PRUNE1: variants seen among roughly 807,000 people sequenced by gnomAD.
PRUNE1 encodes the protein exopolyphosphatase PRUNE1.
A neutral mutation model predicts 42.5 loss-of-function variants in PRUNE1; 25 were observed. That is an observed-to-expected ratio of 0.59 (90% confidence interval 0.43 to 0.82). The LOEUF (loss-of-function observed/expected upper bound fraction) is 0.82, where lower values mean the gene tolerates loss of function less well. Ranked by LOEUF, PRUNE1 falls within the 40% of genes least tolerant of loss-of-function variation. PRUNE1 has a pLI of 0.00. For missense variants in PRUNE1, 443 were observed against 539.3 expected, an observed-to-expected ratio of 0.82 and a Z score of 1.77; for synonymous variants, 203 against 217.1, an observed-to-expected ratio of 0.93 and a Z score of 0.57.
intron 3 of PRUNE1, among the ~76,000 whole-genome samples, chr1:151,020,683 A>C (rs1026237315): frequency 1.3e-5 from 2 of 152,040 alleles, no homozygotes; most frequent in African/African-American, 4.8e-5. Context: ...ATTATGTTAG[A>C]ATATATAAAT....
In PRUNE1 at chr1:151,033,877, C is replaced by A; in HGVS notation, c.1005C>A (p.Asn335Lys). 6.2e-7 allele frequency: 1 copy of A among 1,613,960 alleles called. No individual in the cohort carries two copies. Among genetic ancestry groups the A allele is most frequent in the Non-Finnish European group, 8.5e-7 (1 of 1,179,882 alleles). ...CCCCTGCCTCAAGTACCCACCCTAA[C>A]CTCCATGCCTATCTTCAAGGCAACA... ...KLTPASSTHPNLHAYLQGNTQ... is the reference protein window; with the variant it reads ...KLTPASSTHPKLHAYLQGNTQ... Residue 335 changes from asparagine to lysine, a missense_variant, in exon 8 of 8, where the codon AAC becomes AAA. Physicochemically the swap from Asn to Lys is moderately conservative, Grantham distance 94. Transcript: ENST00000271620.
rs1470980177 is a variant in PRUNE1, at chr1:151,034,158, C to T, written c.1286C>T (p.Ser429Phe). 6.2e-7 allele frequency: 1 copy of T among 1,614,196 alleles called. No individual in the cohort carries two copies. Residue 429 changes from serine to phenylalanine, a missense_variant, in exon 8 of 8, where the codon TCT (serine) becomes TTT (phenylalanine). By Grantham distance (155) the Ser-to-Phe change is radical. Transcript: ENST00000271620. The part of the protein sequence containing the change: ...CPLDQGLPKL[S>F]AEAVFEKCSQ... ...CTAGATCAGGGGCTGCCTAAACTCT[C>T]TGCTGAGGCCGTCTTCGAGAAGTGC...
chr1:151,031,465 G>A (rs587773604), intron 7 of PRUNE1, among the ~76,000 whole-genome samples: 2 of 152,216 alleles, frequency 1.3e-5, no homozygotes, highest in South Asian at 4.1e-4. Flanking sequence ...GGAATTGCAG[G>A]TGTGGGCCAC....
At position 151,024,737 on chromosome 1, in the gene PRUNE1, G is replaced by A; in HGVS notation, c.462G>A (p.Glu154=). 1 of 1,614,148 alleles carries A rather than the reference G, an allele frequency of 6.2e-7. No individual in the cohort carries two copies. The highest frequency in any genetic ancestry group is 8.5e-7 in the Non-Finnish European group (1 of 1,180,022). The change falls in exon 4 of 8, where the codon GAG becomes GAA. Residue 154 remains glutamate (E), a synonymous_variant. Transcript: ENST00000271620. ...LVGSCATLVT[E]RILQGAPEIL... The stretch of plus-strand genomic sequence containing the variant: ...GGTCCTGTGCTACCCTGGTGACCGA[G>A]AGAATCCTGCAGGGGGCACCAGAGA...
At chr1:151,018,192 T>C (rs948014968) in intron 2 of PRUNE1, among the ~76,000 whole-genome samples, 3 of 152,186 alleles carry the variant, frequency 2.0e-5, no homozygotes, top group Admixed American at 2.0e-4. Flanking sequence ...TGTGTATTCC[T>C]CTGCCCAGGT....
intron 1 of PRUNE1, among the ~76,000 whole-genome samples, chr1:151,010,958 G>T (rs936815299): frequency 1.3e-5 from 2 of 152,060 alleles, no homozygotes; most frequent in African/African-American, 4.8e-5. Context: ...ACCCAGCCTA[G>T]ATTGCTTTAA....
rs112367206 is a variant in PRUNE1 at position 151,008,752 on chromosome 1, C to T, written c.39+81C>T. 3,853 of 1,533,188 alleles carry T rather than the reference C, an allele frequency of 2.5e-3. 78 individuals are homozygous for T. The African/African-American group carries it at 0.047, about 19-fold the overall frequency. 95.0% of individuals were successfully genotyped at this position (1,533,188 alleles called of 1,614,324 possible). A position where few individuals can be genotyped will look rare whatever the true frequency, so the allele number is the denominator to read the frequency against. Reference sequence around the variant, plus strand: ...GAAGACGTGGGATCTGGGGGAGCCTCGACGGTCCGTGTGGAGGGAACACTG... The same window carrying T: ...GAAGACGTGGGATCTGGGGGAGCCTTGACGGTCCGTGTGGAGGGAACACTG... On this transcript the variant is annotated intron_variant, in intron 1 of 7. Coordinates refer to ENST00000271620, the MANE Select transcript of PRUNE1 (RefSeq NM_021222.3).
At chr1:151,018,410 T>G (rs1489180970) in intron 2 of PRUNE1, 57 bp from the exon 3 acceptor site, 9 of 1,448,804 alleles carry the variant, frequency 6.2e-6, no homozygotes, top group Non-Finnish European at 8.7e-6. Flanking sequence ...GTAGTCTTGT[T>G]ACTTTTTCCT....
intron 7 of PRUNE1, among the ~76,000 whole-genome samples, chr1:151,029,464 T>C (rs1218515066): frequency 6.7e-6 from 1 of 148,868 alleles, no homozygotes; most frequent in African/African-American, 2.5e-5. Context: ...GCCTCCTGGG[T>C]TAACGCCATT....
chr1:151,028,621 A>G (rs1209593261), intron 6 of PRUNE1, among the ~76,000 whole-genome samples, 165 bp from the exon 7 acceptor site: 1 of 152,052 alleles, frequency 6.6e-6, no homozygotes, highest in Non-Finnish European at 1.5e-5. Flanking sequence ...ACAGGGTTTC[A>G]CCATGTTGGC....
chr1:151,017,791 C>T (rs1362861217), intron 1 of PRUNE1, 21 bp from the exon 2 acceptor site: 1 of 1,473,112 alleles, frequency 6.8e-7, no homozygotes, highest in Non-Finnish European at 9.4e-7. Flanking sequence ...TTGTTAGTTT[C>T]CCATTTTCCT....
At chr1:151,018,809 A>T (rs6664220) in intron 3 of PRUNE1, 140 bp downstream of exon 3, 3 of 696,510 alleles carry the variant, frequency 4.3e-6, no homozygotes, top group African/African-American at 1.8e-5. Flanking sequence ...TTGGGAGGCC[A>T]AGGCGGGCGG....
chr1:151,029,069 C>A, intron 7 of PRUNE1, 125 bp downstream of exon 7: 1 of 967,368 alleles, frequency 1.0e-6, no homozygotes, highest in Non-Finnish European at 1.5e-6. Flanking sequence ...TACATGAGGT[C>A]CCTTGACCTG....
chr1:151,009,587 A>G lies in PRUNE1; in HGVS notation c.39+916A>G, dbSNP rs925340009. Among the ~76,000 whole-genome samples, 4 of 152,200 alleles carry G rather than the reference A, an allele frequency of 2.6e-5. 1 individual carries two copies. The highest frequency in any genetic ancestry group is 9.7e-5 in the African/African-American group (4 of 41,450). ...GTTATACTGCCCTGAAGAAACCTAG[A>G]TAGATGGCTTGCTGAGCTTTCCTTT... is the stretch of plus-strand genomic sequence containing the variant. On this transcript the variant is annotated intron_variant, in intron 1 of 7. Transcript: ENST00000271620.
At chr1:151,027,584 A>ATTTTTTTTTTT (rs34162206) in intron 6 of PRUNE1, among the ~76,000 whole-genome samples, 1 of 134,998 alleles carries the variant, frequency 7.4e-6, no homozygotes, top group African/African-American at 2.8e-5. Flanking sequence ...GTCTTTTTTA[A>ATTTTTTTTTTT]TTTTTTTTTT....
intron 1 of PRUNE1, among the ~76,000 whole-genome samples, chr1:151,009,316 G>A (rs935799487): frequency 2.0e-5 from 3 of 152,124 alleles, no homozygotes; most frequent in African/African-American, 7.2e-5. Flanking sequence ...TTCTCCTTTG[G>A]CCTTAACGCA....
chr1:151,032,800 G>T (rs1474353911), intron 7 of PRUNE1, among the ~76,000 whole-genome samples: 1 of 151,116 alleles, frequency 6.6e-6, no homozygotes, highest in Non-Finnish European at 1.5e-5. Flanking sequence ...TTTTTTTCTT[G>T]TCTTGCTTTA....
chr1:151,009,346 C>A (rs1673596693), intron 1 of PRUNE1, among the ~76,000 whole-genome samples: 1 of 152,222 alleles, frequency 6.6e-6, no homozygotes, highest in Non-Finnish European at 1.5e-5. Flanking sequence ...CATAAAAATT[C>A]TCCACTTGGA....
intron 1 of PRUNE1, among the ~76,000 whole-genome samples, chr1:151,014,096 C>T (rs945985967): frequency 1.3e-5 from 2 of 152,110 alleles, no homozygotes; most frequent in Non-Finnish European, 2.9e-5. Flanking sequence ...TCTCCTGCCT[C>T]AGCCTCCCGA....
Sources: gnomAD v4.1 joint callset for allele counts (sites outside exome capture counted in the v4.1 genomes callset) on GRCh38, gnomAD v4.1.1 for gene constraint, MANE v1.5 for transcripts, NCBI Gene and HGNC (gene_info 2026-07-23, HGNC 2026-07-21) for gene names.